The following RHCE variants were observed in gnomAD, a reference collection of about 807,000 sequenced individuals.
The protein encoded by RHCE is Rh blood group CcEe antigens, also known as blood group Rh(CE) polypeptide.
Under a neutral mutation model 43.8 loss-of-function variants are expected in RHCE, and 22 were observed. That is an observed-to-expected ratio of 0.50 (90% CI 0.36 to 0.72). The LOEUF (loss-of-function observed/expected upper bound fraction) is 0.72, where lower values mean the gene tolerates loss of function less well. Among genes scored for constraint, RHCE ranks in the 30% least tolerant of loss-of-function variants. The probability of loss-of-function intolerance (pLI) is 0.00; values close to 1 mark genes in which losing one functional copy is unlikely to be tolerated. For synonymous variants in RHCE, 156 were observed against 210.7 expected, an observed-to-expected ratio of 0.74 and a Z score of 2.25; for missense variants, 385 against 525.4, an observed-to-expected ratio of 0.73 and a Z score of 2.61.
chr1:25,400,634 A>T (rs1646708649), intron 3 of RHCE, among the ~76,000 whole-genome samples: 1 of 151,244 alleles, frequency 6.6e-6, no homozygotes, highest in Admixed American at 6.6e-5. Flanking sequence ...CCCTAGCCCT[A>T]ACCTTTCCAC....
chr1:25,423,186 G>A (rs1285632855), upstream of RHCE, among the ~76,000 whole-genome samples: 1 of 152,132 alleles, frequency 6.6e-6, no homozygotes, highest in African/African-American at 2.4e-5. Flanking sequence ...TTGCCTCCTG[G>A]TTCTGATCTC....
At chr1:25,391,161 T>G (rs566909128) in intron 4 of RHCE, among the ~76,000 whole-genome samples, 10 of 152,104 alleles carry the variant, frequency 6.6e-5, no homozygotes, top group Non-Finnish European at 1.2e-4. Flanking sequence ...ACCTGCTCTG[T>G]GATGGTCAAA....
intron 1 of RHCE, among the ~76,000 whole-genome samples, chr1:25,414,667 C>G (rs1647241378): frequency 6.6e-6 from 1 of 152,160 alleles, no homozygotes; most frequent in Non-Finnish European, 1.5e-5. Flanking sequence ...TGAGTGGTAT[C>G]CACAGCACAG....
intron 3 of RHCE, 116 bp from the exon 4 acceptor site, chr1:25,392,257 G>A (rs375192378): frequency 3.5e-5 from 54 of 1,553,498 alleles, no homozygotes; most frequent in African/African-American, 1.4e-4. Flanking sequence ...TTGAAGCCAC[G>A]AGACTGGTGT....
intron 1 of RHCE, among the ~76,000 whole-genome samples, chr1:25,417,175 C>G (rs570546937): frequency 6.6e-6 from 1 of 151,246 alleles, no homozygotes; most frequent in East Asian, 1.9e-4. Flanking sequence ...ATGCTTTTAT[C>G]ATACCTAACA....
intron 6 of RHCE, among the ~76,000 whole-genome samples, chr1:25,387,588 C>T (rs1333584100): frequency 6.6e-6 from 1 of 152,184 alleles, no homozygotes; most frequent in African/African-American, 2.4e-5. Context: ...GTTCTTTTTT[C>T]TGCCCTTCCT....
upstream of RHCE, among the ~76,000 whole-genome samples, chr1:25,424,281 T>C (rs577751647): frequency 8.5e-4 from 130 of 152,288 alleles, no homozygotes; most frequent in African/African-American, 2.9e-3. Flanking sequence ...GGACATAACC[T>C]CATCGAAAGT....
At chr1:25,422,760 A>G (rs1282892494), upstream of RHCE, among the ~76,000 whole-genome samples, 1 of 152,166 alleles carries the variant, frequency 6.6e-6, no homozygotes, top group African/African-American at 2.4e-5. Context: ...TTTGTAGAAG[A>G]CAATTTTTCC....
chr1:25,388,134 A>G (rs2124409973), intron 6 of RHCE, among the ~76,000 whole-genome samples: 1 of 145,968 alleles, frequency 6.9e-6, no homozygotes, highest in East Asian at 2.0e-4. Flanking sequence ...GTTGGAATGC[A>G]CTCCCTGAAT....
chr1:25,409,793 C>G (rs1415256497), intron 1 of RHCE, among the ~76,000 whole-genome samples: 2 of 150,350 alleles, frequency 1.3e-5, no homozygotes, highest in African/African-American at 4.8e-5. Flanking sequence ...TTCGTTCTCA[C>G]AACCACACTT....
Position 25,373,451 on chromosome 1 carries a change from G to A in RHCE, c.1153+1898C>T, listed in dbSNP as rs150704175. ...TGCCACGAACTGAACGTTAACTTAC[G>A]GAATTAACTCTACTCCGCCTCTGCT... On this transcript the variant is annotated intron_variant, in intron 8 of 9. Coordinates refer to ENST00000294413, the MANE Select transcript of RHCE (RefSeq NM_020485.8). Among the ~76,000 whole-genome samples the A allele has an allele frequency of 3.6e-3, 549 of 151,794 alleles. 16 individuals are homozygous for A. Among genetic ancestry groups the A allele is most frequent in the Admixed American group, 0.03 (465 of 15,248 alleles).
chr1:25,379,441 T>G (rs1645887958), intron 7 of RHCE, among the ~76,000 whole-genome samples: 1 of 122,004 alleles, frequency 8.2e-6, no homozygotes, highest in African/African-American at 3.0e-5. Context: ...TTCATCCCAA[T>G]AGCACCAAAG....
intron 3 of RHCE, chr1:25,398,862 C>A: frequency 1.9e-6 from 2 of 1,034,164 alleles, no homozygotes; most frequent in Non-Finnish European, 3.0e-6. Context: ...TGGAGTGCAG[C>A]ACATACACTT....
intron 3 of RHCE, among the ~76,000 whole-genome samples, chr1:25,399,999 A>G (rs1252234514): frequency 6.6e-6 from 1 of 152,132 alleles, no homozygotes; most frequent in East Asian, 1.9e-4. Context: ...ATGTTGTATA[A>G]TAATAATAAT....
chr1:25,403,623 G>A (rs1646824034), intron 2 of RHCE, among the ~76,000 whole-genome samples: 1 of 151,946 alleles, frequency 6.6e-6, no homozygotes, highest in East Asian at 1.9e-4. Flanking sequence ...ATATCACAAG[G>A]CTAGTGGGGT....
chr1:25,418,436 G>C (rs1372658452), intron 1 of RHCE, among the ~76,000 whole-genome samples: 1 of 151,968 alleles, frequency 6.6e-6, no homozygotes, highest in Non-Finnish European at 1.5e-5. Flanking sequence ...CCAAGTAGCT[G>C]GGATTACAGA....
rs553157387 is a variant in RHCE, at chr1:25,392,615, A to G, written c.487-474T>C. Among the ~76,000 whole-genome samples the G allele has an allele frequency of 2.4e-5, 3 of 126,592 alleles. No homozygotes were observed. In the East Asian group the frequency reaches 7.7e-4, roughly 32 times the overall value. The allele number at this position is 126,592 out of a possible 152,430, so 83.0% of individuals were successfully genotyped here. ...AGACAGAGTCTTGCTCCATTGCTCA[A>G]GCTGGAGTGCAGTGGTGTGGCCACA... On this transcript the variant is annotated intron_variant, in intron 3 of 9. Transcript: ENST00000294413.
upstream of RHCE, among the ~76,000 whole-genome samples, chr1:25,425,127 T>A (rs577567676): frequency 4.6e-5 from 7 of 152,328 alleles, no homozygotes; most frequent in African/African-American, 1.7e-4. Context: ...GTGTATTTGT[T>A]CATTATCTGC....
chr1:25,409,539 G>T (rs1647009176), intron 1 of RHCE, among the ~76,000 whole-genome samples: 1 of 124,374 alleles, frequency 8.0e-6, no homozygotes, highest in Non-Finnish European at 1.8e-5. Flanking sequence ...ATGCACCTGA[G>T]GGCAGGGAGG....
Sources: allele counts gnomAD v4.1 joint callset (sites outside exome capture counted in the v4.1 genomes callset), GRCh38; gene constraint gnomAD v4.1.1; transcripts MANE v1.5; gene names NCBI Gene and HGNC (gene_info 2026-07-23, HGNC 2026-07-21).